The following PCED1B variants were observed in gnomAD, a reference collection of about 807,000 sequenced individuals.
The protein encoded by PCED1B is PC-esterase domain containing 1B.
For missense variants in PCED1B, 573 were observed against 573.9 expected, an observed-to-expected ratio of 1.00 and a Z score of 0.02; for synonymous variants, 251 against 246.1, an observed-to-expected ratio of 1.02 and a Z score of -0.19.
chr12:47,098,709 C>T (rs1321481978), intron 1 of PCED1B, among the ~76,000 whole-genome samples: 1 of 152,176 alleles, frequency 6.6e-6, no homozygotes, highest in Non-Finnish European at 1.5e-5. Context: ...GTCTTGATCT[C>T]CTGACCTCGT....
chr12:47,096,551 C>A (rs1447357338), intron 1 of PCED1B, among the ~76,000 whole-genome samples: 2 of 152,058 alleles, frequency 1.3e-5, no homozygotes, highest in Non-Finnish European at 2.9e-5. Flanking sequence ...AGGGCAGAGG[C>A]AGTTTTCTTG....
At chr12:47,094,516 TC>T (rs1938396345) in intron 1 of PCED1B, among the ~76,000 whole-genome samples, 1 of 152,118 alleles carries the variant, frequency 6.6e-6, no homozygotes. Context: ...TTTCGCCCTC[TC>T]TTTCCTCTAT....
intron 2 of PCED1B, among the ~76,000 whole-genome samples, chr12:47,128,621 A>C (rs1358295040): frequency 6.6e-6 from 1 of 152,228 alleles, no homozygotes; most frequent in Non-Finnish European, 1.5e-5. Flanking sequence ...AGTTTGAAAA[A>C]AATGTCTGAA....
At position 47,179,098 on chromosome 12, in the gene PCED1B, G is replaced by C. The variant is rs146535674; in HGVS notation, c.-525-37124G>C. ...GCATTACCATAATTTGCCTTAATTT[G>C]CTTTGTAAAAAGCCCAATTATCTAC... On this transcript the variant is annotated intron_variant, in intron 2 of 3. Transcript: ENST00000546455. Among the ~76,000 whole-genome samples, 438 of 152,206 alleles carry C rather than the reference G, an allele frequency of 2.9e-3. 6 individuals are homozygous for C. The highest frequency in any genetic ancestry group is 0.01 in the African/African-American group (425 of 41,538).
intron 2 of PCED1B, among the ~76,000 whole-genome samples, chr12:47,121,025 G>C (rs989151427): frequency 2.6e-5 from 4 of 152,036 alleles, no homozygotes; most frequent in East Asian, 1.9e-4. Context: ...ATAGCTAAAG[G>C]GTATGTGGCT....
intron 1 of PCED1B, among the ~76,000 whole-genome samples, chr12:47,095,846 T>C (rs1008544356): frequency 5.4e-5 from 8 of 148,128 alleles, no homozygotes; most frequent in African/African-American, 2.0e-4. Context: ...ATCATAAGTA[T>C]TATAAATTCC....
chr12:47,182,077 G>C (rs11183777), intron 2 of PCED1B, among the ~76,000 whole-genome samples: 38,158 of 152,200 alleles, frequency 0.25, 6,096 homozygotes, highest in Non-Finnish European at 0.36. Flanking sequence ...ACTGCGTCCA[G>C]TTAGAAATCC....
intron 1 of PCED1B, among the ~76,000 whole-genome samples, chr12:47,092,959 C>T (rs1938329627): frequency 6.6e-6 from 1 of 151,976 alleles, no homozygotes; most frequent in Non-Finnish European, 1.5e-5. Context: ...TTCTTTCTCA[C>T]AATCTTGTCA....
chr12:47,121,976 G>A (rs1939697140), intron 2 of PCED1B, among the ~76,000 whole-genome samples: 1 of 142,674 alleles, frequency 7.0e-6, no homozygotes, highest in Admixed American at 7.3e-5. Flanking sequence ...GCAGTGAGCT[G>A]AAATCATGCC....
chr12:47,091,429 T>A (rs1300991261), intron 1 of PCED1B, among the ~76,000 whole-genome samples: 2 of 152,186 alleles, frequency 1.3e-5, no homozygotes, highest in African/African-American at 4.8e-5. Flanking sequence ...TTGTGTTTTT[T>A]AATCATATAT....
chr12:47,221,039 A>G (rs749652390), intron 3 of PCED1B, among the ~76,000 whole-genome samples: 1 of 152,258 alleles, frequency 6.6e-6, no homozygotes, highest in Non-Finnish European at 1.5e-5. Context: ...TGTTGGAATT[A>G]TTCTAACATA....
chr12:47,135,288 A>AT (rs918810750), intron 2 of PCED1B, among the ~76,000 whole-genome samples: 1 of 152,178 alleles, frequency 6.6e-6, no homozygotes. Flanking sequence ...AAGAAAGTTA[A>AT]TTTTTTTATT....
At chr12:47,148,060 C>A (rs759335754) in intron 2 of PCED1B, among the ~76,000 whole-genome samples, 31 of 152,144 alleles carry the variant, frequency 2.0e-4, no homozygotes, top group Non-Finnish European at 3.8e-4. Flanking sequence ...AAGGTGCTGG[C>A]ATGTTGTGAA....
At chr12:47,129,619 A>G (rs1940039090) in intron 2 of PCED1B, among the ~76,000 whole-genome samples, 1 of 152,200 alleles carries the variant, frequency 6.6e-6, no homozygotes, top group African/African-American at 2.4e-5. Flanking sequence ...AAGAAAAAAA[A>G]GAGTGGCATG....
At chr12:47,122,014 G>T (rs142421892) in intron 2 of PCED1B, among the ~76,000 whole-genome samples, 2 of 135,138 alleles carry the variant, frequency 1.5e-5, no homozygotes, top group African/African-American at 5.8e-5. Flanking sequence ...GTGACAGAGC[G>T]AGACTCCATC....
intron 2 of PCED1B, among the ~76,000 whole-genome samples, chr12:47,120,757 A>T (rs139815748): frequency 0.03 from 4,537 of 152,232 alleles, 183 homozygotes; most frequent in African/African-American, 0.087. Context: ...AGCTGAGATC[A>T]TGTCACTGCC....
intron 2 of PCED1B, among the ~76,000 whole-genome samples, chr12:47,211,149 G>T (rs1184901509): frequency 6.6e-6 from 1 of 152,112 alleles, no homozygotes; most frequent in Non-Finnish European, 1.5e-5. Flanking sequence ...TCCCAACATT[G>T]AATTCTAGTT....
At chr12:47,233,970 G>T (rs873935) in intron 3 of PCED1B, among the ~76,000 whole-genome samples, 22,679 of 151,624 alleles carry the variant, frequency 0.15, 2,127 homozygotes, top group African/African-American at 0.27. Flanking sequence ...GTTTTTAGGG[G>T]TTTTTTTTGT....
At chr12:47,100,254 T>C (rs1242358558) in intron 1 of PCED1B, among the ~76,000 whole-genome samples, 1 of 152,228 alleles carries the variant, frequency 6.6e-6, no homozygotes, top group African/African-American at 2.4e-5. Context: ...AAGAAAATGA[T>C]GTTTTTGGCA....
Sources: allele counts gnomAD v4.1 joint callset (sites outside exome capture counted in the v4.1 genomes callset), GRCh38; gene constraint gnomAD v4.1.1; transcripts MANE v1.5; gene names NCBI Gene and HGNC (gene_info 2026-07-23, HGNC 2026-07-21).